ZNF248: variants seen among roughly 807,000 people sequenced by gnomAD.
The protein encoded by ZNF248 is zinc finger protein 248, also known as KRAB protein domain.
ZNF248 carries 20 observed loss-of-function variants against 44.3 expected under a neutral mutation model. That is an observed-to-expected ratio of 0.45 (90% CI 0.32 to 0.66). ZNF248 has a LOEUF of 0.66. ZNF248 is among the 30% of genes least tolerant of loss of function. The pLI is 0.04. For missense variants in ZNF248, 654 were observed against 677.0 expected, an observed-to-expected ratio of 0.97 and a Z score of 0.38; for synonymous variants, 224 against 229.0, an observed-to-expected ratio of 0.98 and a Z score of 0.20.
At chr10:37,815,050 A>T (rs1019411035) in intron 6 of ZNF248, among the ~76,000 whole-genome samples, 1 of 151,788 alleles carries the variant, frequency 6.6e-6, no homozygotes, top group South Asian at 2.1e-4. Context: ...CATGTCTCTT[A>T]GGCTTTCTTC....
downstream of ZNF248, among the ~76,000 whole-genome samples, chr10:37,772,899 T>A (rs2046319000): frequency 6.6e-6 from 1 of 152,164 alleles, no homozygotes; most frequent in Non-Finnish European, 1.5e-5. Flanking sequence ...CACTTATAAA[T>A]GTAAATGGAA....
At chr10:37,798,604 A>T (rs535737560) in intron 6 of ZNF248, among the ~76,000 whole-genome samples, 1 of 152,188 alleles carries the variant, frequency 6.6e-6, no homozygotes, top group Non-Finnish European at 1.5e-5. Flanking sequence ...ATGTACATGT[A>T]TATTCACATG....
At chr10:37,839,878 C>T (rs982027931) in intron 3 of ZNF248, among the ~76,000 whole-genome samples, 1 of 152,156 alleles carries the variant, frequency 6.6e-6, no homozygotes, top group African/African-American at 2.4e-5. Flanking sequence ...ACATTCTATC[C>T]TTCTGTTCGT....
At chr10:37,853,857 G>A (rs769031765) in intron 3 of ZNF248, among the ~76,000 whole-genome samples, 1 of 152,148 alleles carries the variant, frequency 6.6e-6, no homozygotes, top group Non-Finnish European at 1.5e-5. Context: ...CTTCTTTGGG[G>A]TAAAGGCAAA....
chr10:37,856,409 T>C, intron 2 of ZNF248, 26 bp downstream of exon 2: 1 of 1,586,882 alleles, frequency 6.3e-7, no homozygotes, highest in East Asian at 2.2e-5. Flanking sequence ...CACCTGCCTA[T>C]ACAGGTCCAC....
intron 6 of ZNF248, among the ~76,000 whole-genome samples, chr10:37,815,217 C>A (rs1308288091): frequency 6.6e-6 from 1 of 152,114 alleles, no homozygotes; most frequent in Admixed American, 6.6e-5. Context: ...CAGGCACATG[C>A]CACCATGCAT....
intron 3 of ZNF248, among the ~76,000 whole-genome samples, chr10:37,844,100 A>G (rs1184571941): frequency 6.6e-6 from 1 of 152,228 alleles, no homozygotes; most frequent in African/African-American, 2.4e-5. Context: ...AAATCCAAAG[A>G]GATCCACTGA....
At chr10:37,819,244 G>C in intron 6 of ZNF248, 1 of 853,768 alleles carries the variant, frequency 1.2e-6, no homozygotes, top group Non-Finnish European at 2.0e-6. Flanking sequence ...ACATTAATTT[G>C]TGCCGTTTCA....
At chr10:37,819,486 C>T in intron 6 of ZNF248, 1 of 1,433,094 alleles carries the variant, frequency 7.0e-7, no homozygotes, top group Non-Finnish European at 9.8e-7. Context: ...AGTTCAAATG[C>T]CTTGTAAACT....
chr10:37,763,887 T>C, the ZNF248 span, among the ~76,000 whole-genome samples: 1 of 152,248 alleles, frequency 6.6e-6, no homozygotes, highest in East Asian at 1.9e-4. Flanking sequence ...TCATTTCCTA[T>C]GCCTGTCTTT....
chr10:37,824,623 T>C (rs1564542204), downstream of ZNF248, among the ~76,000 whole-genome samples: 1 of 151,148 alleles, frequency 6.6e-6, no homozygotes, highest in African/African-American at 2.4e-5. Flanking sequence ...GCATTTATAA[T>C]CTTAATGTTA....
At chr10:37,798,464 A>T (rs980769376) in intron 6 of ZNF248, among the ~76,000 whole-genome samples, 2 of 152,164 alleles carry the variant, frequency 1.3e-5, no homozygotes, top group Non-Finnish European at 2.9e-5. Context: ...TAAAACAATG[A>T]GGAATTTCCA....
rs773833165 is a variant in ZNF248, at chr10:37,832,784, T to G, written c.571A>C (p.Lys191Gln). The G allele has an allele frequency of 8.7e-6, 14 of 1,613,712 alleles. No individual in the cohort carries two copies. The South Asian group carries it at 9.9e-5, about 11-fold the overall frequency. Residue 191 changes from lysine (K) to glutamine (Q), a missense_variant, in exon 6 of 6, where the codon AAA becomes CAA. Physicochemically the swap from Lys to Gln is moderately conservative, Grantham distance 53 (BLOSUM62 1). Transcript: ENST00000395867. ...EKIPIGEKSY[K>Q]YDQKRNAINY... ...ATGGCATTCCTTTTTTGATCATATT[T>G]ATAAGACTTCTCTCCAATAGGGATT...
chr10:37,832,712 C>T lies in ZNF248; in HGVS notation c.643G>A (p.Glu215Lys). 6.2e-7 allele frequency: 1 copy of T among 1,613,526 alleles called. No homozygotes were observed. Among genetic ancestry groups the T allele is most frequent in the Non-Finnish European group, 8.5e-7 (1 of 1,179,876 alleles). ...LSQPSFGQSF[E>K]YSKNGQGFHD... ...AAGCCTTGTCCATTTTTACTATACT[C>T]AAAAGATTGGCCAAAACTTGGCTGA... Residue 215 changes from glutamate to lysine, a missense_variant, in exon 6 of 6, where the codon GAG (glutamate) becomes AAG (lysine). Physicochemically the swap from Glu to Lys is moderately conservative, Grantham distance 56. Coordinates refer to ENST00000395867, the MANE Select transcript of ZNF248 (RefSeq NM_021045.3).
chr10:37,832,866 C>T lies in ZNF248; in HGVS notation c.489G>A (p.Lys163=). 2.5e-6 allele frequency: 4 copies of T among 1,613,738 alleles called. No homozygotes were observed. Among genetic ancestry groups the T allele is most frequent in the Non-Finnish European group, 3.4e-6 (4 of 1,179,792 alleles). Residue 163 remains lysine (K), a synonymous_variant, in exon 6 of 6, where the codon AAG becomes AAA. Transcript: ENST00000395867. ...CACATACATTAAACTCATCAGGCTT[C>T]TTTCTGGAACAGTTCTTTTTACTAA... ...LIISKKNCSR[K]KPDEFNVCEK...
At chr10:37,825,440 T>C (rs889545727), downstream of ZNF248, among the ~76,000 whole-genome samples, 1 of 152,136 alleles carries the variant, frequency 6.6e-6, no homozygotes, top group Non-Finnish European at 1.5e-5. Flanking sequence ...CATTTCCAAA[T>C]TTTTTCTTTT....
the ZNF248 span, among the ~76,000 whole-genome samples, chr10:37,766,178 G>T: frequency 6.6e-6 from 1 of 152,206 alleles, no homozygotes; most frequent in East Asian, 1.9e-4. Flanking sequence ...TCCACCTGTG[G>T]GGGCAGGGCA....
chr10:37,849,324 A>T (rs556030881), intron 3 of ZNF248, among the ~76,000 whole-genome samples: 1 of 151,942 alleles, frequency 6.6e-6, no homozygotes. Flanking sequence ...AAAAAAAAGG[A>T]AAGAAATTTA....
chr10:37,831,827 G>C lies in ZNF248; in HGVS notation c.1528C>G (p.His510Asp). The C allele has an allele frequency of 3.7e-6, 6 of 1,613,486 alleles. No homozygotes were observed. The highest frequency in any genetic ancestry group is 5.1e-6 in the Non-Finnish European group (6 of 1,179,538). Reference protein sequence around the residue: ...SFCVKSNLIVHQRTHTGEKPY... With the variant: ...SFCVKSNLIVDQRTHTGEKPY... ...TTCTCCCCAGTGTGAGTTCTTTGATGTACAATGAGGTTTGACTTCACACAG... is the reference window on the plus strand; with the variant it reads ...TTCTCCCCAGTGTGAGTTCTTTGATCTACAATGAGGTTTGACTTCACACAG... Residue 510 changes from histidine (H) to aspartate (D), a missense_variant, in exon 6 of 6, where the codon CAT (histidine) becomes GAT (aspartate). By Grantham distance (81) the His-to-Asp change is moderately conservative. Transcript: ENST00000395867.
Sources: gnomAD v4.1 joint callset for allele counts (sites outside exome capture counted in the v4.1 genomes callset) on GRCh38, gnomAD v4.1.1 for gene constraint, MANE v1.5 for transcripts, NCBI Gene and HGNC (gene_info 2026-07-23, HGNC 2026-07-21) for gene names.